STS: variants seen among roughly 807,000 people sequenced by gnomAD.
STS encodes steroid sulfatase, also known as steryl-sulfatase.
A neutral mutation model predicts 26.8 loss-of-function variants in STS; 7 were observed. That is an observed-to-expected ratio of 0.26 (90% CI 0.15 to 0.49). STS has a LOEUF of 0.49. Among genes scored for constraint, STS ranks in the 20% least tolerant of loss-of-function variants. The pLI, the probability that STS is intolerant of heterozygous loss-of-function variation, is 0.98. For synonymous variants in STS, 199 were observed against 189.4 expected (o/e 1.05, Z -0.42); for missense variants, 434 against 465.6 (o/e 0.93, Z 0.63).
At chrX:7,234,603 C>T (rs1466889076) in intron 2 of STS, among the ~76,000 whole-genome samples, 3 of 111,956 alleles carry the variant, frequency 2.7e-5, no homozygotes, top group African/African-American at 9.8e-5. Flanking sequence ...AGCTCACTGT[C>T]ATTCTTAAGG....
At chrX:7,228,752 C>A (rs1921928374) in intron 2 of STS, among the ~76,000 whole-genome samples, 1 of 112,075 alleles carries the variant, frequency 8.9e-6, no homozygotes, top group Non-Finnish European at 1.9e-5. Context: ...GTTTTTGCTT[C>A]TATGGCCTGA....
intron 2 of STS, among the ~76,000 whole-genome samples, chrX:7,220,790 C>T (rs994564783): frequency 1.8e-5 from 2 of 110,157 alleles, no homozygotes; most frequent in Non-Finnish European, 3.8e-5. Flanking sequence ...TCTCGTGATC[C>T]GCCCGCCTCG....
intron 5 of STS, among the ~76,000 whole-genome samples, chrX:7,258,177 A>G (rs1365791610): frequency 1.8e-5 from 2 of 109,563 alleles, no homozygotes; most frequent in African/African-American, 6.7e-5. Context: ...AGATAGATAG[A>G]TAGATAGATG....
intron 1 of STS, among the ~76,000 whole-genome samples, chrX:7,156,706 A>C (rs1256313563): frequency 8.9e-6 from 1 of 112,295 alleles, no homozygotes; most frequent in Non-Finnish European, 1.9e-5. Flanking sequence ...AAACATGGAA[A>C]TGCAGTGGCT....
chrX:7,148,127 G>A (rs187333600), intron 1 of STS, 44 bp downstream of exon 1: 23,932 of 1,105,201 alleles, frequency 0.022, 261 homozygotes, highest in Non-Finnish European at 0.022. Flanking sequence ...GGCGCCTTCT[G>A]GGTCTGGGTG....
intron 7 of STS, among the ~76,000 whole-genome samples, chrX:7,291,792 T>A: frequency 8.9e-6 from 1 of 112,325 alleles, no homozygotes; most frequent in Non-Finnish European, 1.9e-5. Context: ...CATAATTTTT[T>A]TTTTATTCTA....
intron 2 of STS, among the ~76,000 whole-genome samples, chrX:7,197,058 T>C (rs1249100696): frequency 2.7e-5 from 3 of 110,644 alleles, no homozygotes; most frequent in Non-Finnish European, 5.7e-5. Flanking sequence ...TTTTACCCCA[T>C]CAGGCAACTT....
chrX:7,310,289 G>A (rs750382823), intron 8 of STS, among the ~76,000 whole-genome samples: 4 of 112,066 alleles, frequency 3.6e-5, no homozygotes, highest in Non-Finnish European at 7.5e-5. Flanking sequence ...GCTTCTTTGG[G>A]ACCTTAGGAG....
intron 7 of STS, among the ~76,000 whole-genome samples, chrX:7,280,059 A>G (rs1458842316): frequency 8.9e-6 from 1 of 111,949 alleles, no homozygotes; most frequent in Non-Finnish European, 1.9e-5. Context: ...TCCATGTAAT[A>G]AGAAAGCGTG....
At chrX:7,337,279 G>T (rs999820057) in intron 10 of STS, among the ~76,000 whole-genome samples, 1 of 111,937 alleles carries the variant, frequency 8.9e-6, no homozygotes, top group Non-Finnish European at 1.9e-5. Context: ...TCGTCTTAGC[G>T]CTGGCATCTG....
intron 7 of STS, among the ~76,000 whole-genome samples, chrX:7,296,643 A>G (rs1258103294): frequency 8.9e-6 from 1 of 112,402 alleles, no homozygotes; most frequent in Non-Finnish European, 1.9e-5. Flanking sequence ...TCTATGCAGG[A>G]AAACACTGGT....
In STS at chrX:7,351,766, A is replaced by C. The variant is rs765770207; in HGVS notation, c.*1505A>C. ...CACACAGCGGTTTGCAGAGAATGTT[A>C]GCCATGACTTGGGCTTTCTGAAAGT... is the stretch of plus-strand genomic sequence containing the variant. On this transcript the variant is annotated 3_prime_UTR_variant, in exon 11 of 11. Coordinates refer to ENST00000674429, the MANE Select transcript of STS (RefSeq NM_001320752.2). 9.0e-6 allele frequency: 1 copy of C among 110,699 alleles called. No individual in the cohort carries two copies. The highest frequency in any genetic ancestry group is 1.9e-5 in the Non-Finnish European group (1 of 52,973). 9.1% of individuals were successfully genotyped at this position (110,699 alleles called of 1,213,427 possible). A position where few individuals can be genotyped will look rare whatever the true frequency, so the allele number is the denominator to read the frequency against.
At chrX:7,279,319 G>A (rs1176172368) in intron 7 of STS, among the ~76,000 whole-genome samples, 2 of 39,956 alleles carry the variant, frequency 5.0e-5, no homozygotes, top group African/African-American at 1.5e-4. Context: ...ATATGTGTGT[G>A]TGTGTGTGTG....
At position 7,350,350 on chromosome X, in the gene STS, T is replaced by A; in HGVS notation, c.*89T>A. On this transcript the variant is annotated 3_prime_UTR_variant, in exon 11 of 11. Transcript: ENST00000674429. ...GAGAGTGGCACTGGGGAAACATAAC[T>A]CCATCTACACCTTGGATTTGGACTG... is the stretch of plus-strand genomic sequence containing the variant. 1 of 1,081,509 alleles carries A rather than the reference T, an allele frequency of 9.2e-7. No homozygotes were observed. The highest frequency in any genetic ancestry group is 2.1e-5 in the South Asian group (1 of 48,497). The allele number at this position is 1,081,509 out of a possible 1,213,427, so 89.1% of individuals were successfully genotyped here. A position where few individuals can be genotyped will look rare whatever the true frequency, so the allele number is the denominator to read the frequency against.
chrX:7,278,725 T>C (rs1037931542), intron 7 of STS, among the ~76,000 whole-genome samples: 6 of 111,350 alleles, frequency 5.4e-5, no homozygotes, highest in African/African-American at 2.0e-4. Flanking sequence ...GAGATACAAT[T>C]CTGCTCTGCA....
chrX:7,350,465 A>T lies in STS; in HGVS notation c.*204A>T. The T allele has an allele frequency of 2.0e-6, 1 of 488,711 alleles. No homozygotes were observed. Among genetic ancestry groups the T allele is most frequent in the East Asian group, 3.7e-5 (1 of 26,966 alleles). The allele number at this position is 488,711 out of a possible 1,213,427, so 40.3% of individuals were successfully genotyped here. A position where few individuals can be genotyped will look rare whatever the true frequency, so the allele number is the denominator to read the frequency against. ...GGGGGATAAGGTCTGTAGTATACAGACAGGAAGATGGTAGGTTTATGCCTT... is the reference window on the plus strand; with the variant it reads ...GGGGGATAAGGTCTGTAGTATACAGTCAGGAAGATGGTAGGTTTATGCCTT... On this transcript the variant is annotated 3_prime_UTR_variant, in exon 11 of 11. Transcript: ENST00000674429.
At chrX:7,155,224 GC>G (rs1933108788) in intron 1 of STS, among the ~76,000 whole-genome samples, 1 of 111,267 alleles carries the variant, frequency 9.0e-6, no homozygotes, top group Non-Finnish European at 1.9e-5. Context: ...CATCACATAT[GC>G]TCTTTAAAAA....
At chrX:7,320,245 A>C (rs999496798) in intron 8 of STS, among the ~76,000 whole-genome samples, 1 of 105,082 alleles carries the variant, frequency 9.5e-6, no homozygotes, top group Non-Finnish European at 1.9e-5. Flanking sequence ...AAGGTAGTAC[A>C]GAGGTATATT....
intron 2 of STS, among the ~76,000 whole-genome samples, chrX:7,231,833 G>A (rs761022574): frequency 2.0e-4 from 12 of 59,757 alleles, no homozygotes; most frequent in African/African-American, 6.0e-4. Context: ...TAATAAATCT[G>A]CTTTTTTTTT....
Sources: allele counts gnomAD v4.1 joint callset (sites outside exome capture counted in the v4.1 genomes callset), GRCh38; gene constraint gnomAD v4.1.1; transcripts MANE v1.5; gene names NCBI Gene and HGNC (gene_info 2026-07-23, HGNC 2026-07-21).